The following ROBO1 variants were observed in gnomAD, a reference collection of about 807,000 sequenced individuals.
ROBO1 encodes roundabout guidance receptor 1, also known as roundabout homolog 1.
ROBO1 carries 149 observed loss-of-function variants against 195.9 expected under a neutral mutation model. The ratio of observed to expected loss-of-function variants is 0.76; its 90% CI spans 0.67 to 0.87. The LOEUF (loss-of-function observed/expected upper bound fraction) is 0.87. Ranked by LOEUF, ROBO1 falls within the 40% of genes least tolerant of loss-of-function variation. ROBO1 has a pLI of 0.00. For synonymous variants in ROBO1, 816 were observed against 733.2 expected (o/e 1.11, Z -1.82); for missense variants, 1,933 against 2,068.3 (o/e 0.93, Z 1.27).
chr3:78,732,823 A>G (rs1217723667), intron 5 of ROBO1, among the ~76,000 whole-genome samples: 1 of 152,142 alleles, frequency 6.6e-6, no homozygotes, highest in Non-Finnish European at 1.5e-5. Context: ...ATGTTCCCAT[A>G]CAATATGATG....
intron 2 of ROBO1, among the ~76,000 whole-genome samples, chr3:79,399,814 T>G (rs2037296042): frequency 6.6e-6 from 1 of 152,178 alleles, no homozygotes; most frequent in Non-Finnish European, 1.5e-5. Context: ...GACATTTATA[T>G]ATATGCATAT....
chr3:78,856,441 T>C (rs2034442585), intron 4 of ROBO1, among the ~76,000 whole-genome samples: 1 of 151,976 alleles, frequency 6.6e-6, no homozygotes, highest in Admixed American at 6.6e-5. Context: ...GATGTCATCC[T>C]GAGAGATAAA....
intron 1 of ROBO1, among the ~76,000 whole-genome samples, chr3:79,677,280 C>T (rs534741141): frequency 6.6e-6 from 1 of 152,134 alleles, no homozygotes; most frequent in South Asian, 2.1e-4. Context: ...AAGAAACCTA[C>T]ATGGCATGTG....
At chr3:79,166,603 T>C (rs1246603212) in intron 2 of ROBO1, among the ~76,000 whole-genome samples, 1 of 150,794 alleles carries the variant, frequency 6.6e-6, no homozygotes, top group Non-Finnish European at 1.5e-5. Flanking sequence ...TCTAGCTCTG[T>C]CGCACAGGCT....
chr3:79,261,568 G>A (rs2082938646), intron 2 of ROBO1, among the ~76,000 whole-genome samples: 1 of 151,784 alleles, frequency 6.6e-6, no homozygotes, highest in African/African-American at 2.4e-5. Flanking sequence ...TCATTTTTAA[G>A]GCTATCTTCT....
chr3:79,070,520 T>C (rs959275724), intron 3 of ROBO1, among the ~76,000 whole-genome samples: 5 of 151,874 alleles, frequency 3.3e-5, no homozygotes, highest in Admixed American at 2.0e-4. Flanking sequence ...TCCAACGTTT[T>C]CTGATATGTA....
chr3:78,946,900 C>T (rs1478529722), intron 3 of ROBO1, among the ~76,000 whole-genome samples: 1 of 152,010 alleles, frequency 6.6e-6, no homozygotes, highest in African/African-American at 2.4e-5. Context: ...AGACTTTAAA[C>T]CAACAAAGAT....
chr3:78,801,355 G>A (rs952519068), intron 4 of ROBO1, among the ~76,000 whole-genome samples: 15 of 151,916 alleles, frequency 9.9e-5, no homozygotes, highest in Non-Finnish European at 1.9e-4. Flanking sequence ...TTTTTAATCC[G>A]GAACCTATTA....
At chr3:79,442,018 A>G (rs1393314610) in intron 2 of ROBO1, among the ~76,000 whole-genome samples, 1 of 151,906 alleles carries the variant, frequency 6.6e-6, no homozygotes, top group Non-Finnish European at 1.5e-5. Flanking sequence ...AAGAGGACCA[A>G]TTTTTCCAAG....
chr3:79,462,315 C>T (rs1023778239), intron 2 of ROBO1, among the ~76,000 whole-genome samples: 3 of 152,216 alleles, frequency 2.0e-5, no homozygotes, highest in Middle Eastern at 3.4e-3. Flanking sequence ...ATTAAACATA[C>T]GTGCAAGTTA....
intron 2 of ROBO1, among the ~76,000 whole-genome samples, chr3:79,489,294 T>C (rs1939324973): frequency 6.6e-6 from 1 of 152,114 alleles, no homozygotes; most frequent in South Asian, 2.1e-4. Context: ...ATGGCATTAA[T>C]GAAAAGTTCA....
intron 1 of ROBO1, among the ~76,000 whole-genome samples, chr3:79,594,148 T>A (rs1259566655): frequency 6.6e-6 from 1 of 152,034 alleles, no homozygotes; most frequent in Non-Finnish European, 1.5e-5. Flanking sequence ...TATTTTAGGA[T>A]ATAACGTTAT....
chr3:78,603,160 CTT>C (rs893317425), intron 29 of ROBO1, among the ~76,000 whole-genome samples: 1 of 152,194 alleles, frequency 6.6e-6, no homozygotes, highest in Non-Finnish European at 1.5e-5. Flanking sequence ...CCACTTTCCT[CTT>C]ATAAAATATC....
intron 1 of ROBO1, among the ~76,000 whole-genome samples, chr3:79,766,027 G>A (rs537012447): frequency 6.6e-6 from 1 of 152,174 alleles, no homozygotes; most frequent in African/African-American, 2.4e-5. Context: ...GGCGTGAAAG[G>A]GTGGGAGGTG....
At chr3:79,338,967 T>C (rs2034795959) in intron 2 of ROBO1, among the ~76,000 whole-genome samples, 1 of 152,220 alleles carries the variant, frequency 6.6e-6, no homozygotes, top group Non-Finnish European at 1.5e-5. Flanking sequence ...TTTCAATTAA[T>C]GGCAGCTCCA....
rs199515915 is a variant in ROBO1 at position 79,087,956 on chromosome 3, G to A, written c.172+37500C>T. 2.9e-3 allele frequency among the ~76,000 whole-genome samples: 446 copies of A among 152,120 alleles called. 13 individuals carry two copies. The East Asian group carries it at 0.075, about 25-fold the overall frequency. On this transcript the variant is annotated intron_variant, in intron 3 of 30. Coordinates refer to ENST00000464233, the MANE Select transcript of ROBO1 (RefSeq NM_002941.4). ...ACCAAGGGTATCCCAATTTACATAT[G>A]ATTAAAACTTATTTACTTCGATTGT...
chr3:79,495,978 C>T (rs955897778), intron 2 of ROBO1, among the ~76,000 whole-genome samples: 7 of 151,932 alleles, frequency 4.6e-5, no homozygotes, highest in Non-Finnish European at 7.4e-5. Context: ...TTTGGGAGGC[C>T]AAGGCGGGTG....
At chr3:78,690,582 T>C (rs922910441) in intron 8 of ROBO1, among the ~76,000 whole-genome samples, 2 of 152,054 alleles carry the variant, frequency 1.3e-5, no homozygotes, top group Non-Finnish European at 2.9e-5. Flanking sequence ...TACAAATCCA[T>C]ACAGGAGCAT....
Position 78,634,045 on chromosome 3 carries a change from A to G in ROBO1, c.3374-3T>C. On this transcript the variant is annotated splice_region_variant and splice_polypyrimidine_tract_variant and intron_variant, in intron 23 of 30. Coordinates refer to ENST00000464233, the MANE Select transcript of ROBO1 (RefSeq NM_002941.4). The stretch of plus-strand genomic sequence containing the variant: ...AACTGTGTCATTTGCTCGATAATCT[A>G]GACATATCAGATGAAAAAACAATAA... 6.4e-7 allele frequency: 1 copy of G among 1,564,560 alleles called. No individual in the cohort carries two copies. The highest frequency in any genetic ancestry group is 2.3e-5 in the East Asian group (1 of 44,428).
Sources: allele counts gnomAD v4.1 joint callset (sites outside exome capture counted in the v4.1 genomes callset), GRCh38; gene constraint gnomAD v4.1.1; transcripts MANE v1.5; gene names NCBI Gene and HGNC (gene_info 2026-07-23, HGNC 2026-07-21).